TEX36: variants seen among roughly 807,000 people sequenced by gnomAD.
TEX36 encodes the protein testis-expressed protein 36.
A neutral mutation model predicts 13.6 loss-of-function variants in TEX36; 12 were observed. The ratio of observed to expected loss-of-function variants is 0.88; its 90% CI spans 0.56 to 1.43. TEX36 has a LOEUF of 1.43. TEX36 is among the 40% of genes most tolerant of loss of function. The pLI, the probability that TEX36 is intolerant of heterozygous loss-of-function variation, is 0.00. For missense variants in TEX36, 224 were observed against 228.3 expected (o/e 0.98, Z 0.12); for synonymous variants, 93 against 83.0 (o/e 1.12, Z -0.65).
chr10:125,611,318 T>C (rs1846286968), intron 3 of TEX36, among the ~76,000 whole-genome samples: 1 of 152,220 alleles, frequency 6.6e-6, no homozygotes, highest in African/African-American at 2.4e-5. Context: ...AGAAAAATTG[T>C]ACCAATTTAT....
At chr10:125,599,113 G>A (rs541923601) in intron 3 of TEX36, among the ~76,000 whole-genome samples, 2 of 152,030 alleles carry the variant, frequency 1.3e-5, no homozygotes, top group African/African-American at 4.8e-5. Context: ...TAAAATAATC[G>A]GAAAAAACTT....
At chr10:125,596,389 G>A (rs986755339) in intron 3 of TEX36, among the ~76,000 whole-genome samples, 2 of 152,092 alleles carry the variant, frequency 1.3e-5, no homozygotes, top group Admixed American at 1.3e-4. Flanking sequence ...GAGGGAGGGA[G>A]AGAAAGAGAT....
At chr10:125,672,596 T>A (rs1158255317) in intron 1 of TEX36, among the ~76,000 whole-genome samples, 1 of 152,228 alleles carries the variant, frequency 6.6e-6, no homozygotes, top group African/African-American at 2.4e-5. Flanking sequence ...CCAAGAAGAA[T>A]GTATATTCTG....
At chr10:125,633,773 C>G (rs1249814960) in intron 3 of TEX36, among the ~76,000 whole-genome samples, 1 of 152,178 alleles carries the variant, frequency 6.6e-6, no homozygotes, top group Non-Finnish European at 1.5e-5. Context: ...CCATCGACAT[C>G]AGGGAATCAG....
At chr10:125,641,543 G>A (rs572442296) in intron 3 of TEX36, among the ~76,000 whole-genome samples, 9 of 152,278 alleles carry the variant, frequency 5.9e-5, no homozygotes, top group Admixed American at 1.3e-4. Flanking sequence ...GCTATGAAAC[G>A]TTATTGCCCT....
intron 3 of TEX36, among the ~76,000 whole-genome samples, chr10:125,596,719 C>T (rs61423969): frequency 7.9e-5 from 12 of 152,182 alleles, no homozygotes; most frequent in Admixed American, 6.5e-4. Flanking sequence ...TCAGTAGATG[C>T]TGAGAGAGCA....
intron 3 of TEX36, among the ~76,000 whole-genome samples, chr10:125,641,358 G>C (rs1041341197): frequency 6.6e-6 from 1 of 152,188 alleles, no homozygotes; most frequent in Non-Finnish European, 1.5e-5. Context: ...TTTAAAAGTT[G>C]GTTTCATATA....
chr10:125,668,767 G>C (rs1847168824), intron 1 of TEX36, among the ~76,000 whole-genome samples: 1 of 152,092 alleles, frequency 6.6e-6, no homozygotes, highest in Non-Finnish European at 1.5e-5. Flanking sequence ...GCTGGGTTTG[G>C]TTTATTCTTG....
At chr10:125,626,753 A>C (rs1238635957) in intron 3 of TEX36, among the ~76,000 whole-genome samples, 3 of 152,186 alleles carry the variant, frequency 2.0e-5, no homozygotes, top group Non-Finnish European at 4.4e-5. Context: ...CCAGGAGAGC[A>C]CTAAATCCAA....
rs535450835 is a variant in TEX36 at position 125,609,512 on chromosome 10, G to A, written c.265-32638C>T. ...GCTACCATCCCCAGGTCCAGCCCAG[G>A]AAAACCTCCCATGCGGGATCCTTCT... On this transcript the variant is annotated intron_variant, in intron 3 of 3. Transcript: ENST00000532135. 2.6e-5 allele frequency among the ~76,000 whole-genome samples: 4 copies of A among 152,308 alleles called. No individual in the cohort carries two copies. In the South Asian group the frequency reaches 6.2e-4, roughly 24 times the overall value.
chr10:125,671,366 T>C lies in TEX36; in HGVS notation c.52-9389A>G, dbSNP rs186214353. ...GGGATGTTGAATTTTATTAAAGGTC[T>C]TTTCTATGTCTATTGAGATAATCAT... On this transcript the variant is annotated intron_variant, in intron 1 of 3. Coordinates refer to ENST00000368821, the MANE Select transcript of TEX36 (RefSeq NM_001128202.3). 1.6e-3 allele frequency among the ~76,000 whole-genome samples: 244 copies of C among 152,350 alleles called. 3 individuals carry two copies. Among genetic ancestry groups the C allele is most frequent in the South Asian group, 1.4e-3 (7 of 4,830 alleles).
At chr10:125,605,056 A>G (rs1031676598) in intron 3 of TEX36, among the ~76,000 whole-genome samples, 1 of 152,152 alleles carries the variant, frequency 6.6e-6, no homozygotes, top group Non-Finnish European at 1.5e-5. Context: ...GTGTGGGAAA[A>G]TTGTCTTCCA....
rs575372964 is a variant in TEX36, at chr10:125,656,766, G to A, written c.265-570C>T. Among the ~76,000 whole-genome samples the A allele has an allele frequency of 2.7e-3, 405 of 152,180 alleles. 2 individuals are homozygous for A. The highest frequency in any genetic ancestry group is 8.7e-3 in the African/African-American group (362 of 41,550). On this transcript the variant is annotated intron_variant, in intron 3 of 3. Transcript: ENST00000368821. ...GCCTGCACTTTTAGAGACATGGAAA[G>A]CAGAACCAGAGACAATCCAGCCAGA...
At chr10:125,612,981 C>A (rs1035873369) in intron 3 of TEX36, among the ~76,000 whole-genome samples, 28 of 152,060 alleles carry the variant, frequency 1.8e-4, no homozygotes, top group African/African-American at 6.7e-4. Context: ...CACCAGCCAC[C>A]CCCACCAAAA....
chr10:125,637,116 A>G (rs1466940094), intron 3 of TEX36, among the ~76,000 whole-genome samples: 1 of 152,102 alleles, frequency 6.6e-6, no homozygotes, highest in Non-Finnish European at 1.5e-5. Flanking sequence ...AGCCTAGGCA[A>G]CATGGCAAGA....
intron 3 of TEX36, among the ~76,000 whole-genome samples, chr10:125,610,638 A>T (rs1487663063): frequency 6.6e-6 from 1 of 151,880 alleles, no homozygotes; most frequent in Non-Finnish European, 1.5e-5. Flanking sequence ...CATTTTGGGG[A>T]TCTATCTTTT....
chr10:125,576,547 A>G (rs929418034), exon 4 of TEX36: 3 of 676,140 alleles, frequency 4.4e-6, no homozygotes, highest in Admixed American at 5.9e-5. Context: ...AGATAGCCCT[A>G]TTAATACCTG....
chr10:125,605,768 A>G (rs1467364082), intron 3 of TEX36, among the ~76,000 whole-genome samples: 4 of 152,022 alleles, frequency 2.6e-5, no homozygotes, highest in East Asian at 1.9e-4. Flanking sequence ...CACCTGGCTA[A>G]TTTTTATATT....
intron 3 of TEX36, among the ~76,000 whole-genome samples, chr10:125,610,206 T>C (rs2133550528): frequency 6.6e-6 from 1 of 152,326 alleles, no homozygotes. Context: ...ACCATAAAAA[T>C]AGCCAACCAG....
Sources: gnomAD v4.1 joint callset for allele counts (sites outside exome capture counted in the v4.1 genomes callset) on GRCh38, gnomAD v4.1.1 for gene constraint, MANE v1.5 for transcripts, NCBI Gene and HGNC (gene_info 2026-07-23, HGNC 2026-07-21) for gene names.